ASIC2: variants seen among roughly 807,000 people sequenced by gnomAD.
ASIC2 encodes acid-sensing ion channel 2.
A neutral mutation model predicts 57.3 loss-of-function variants in ASIC2; 25 were observed. The ratio of observed to expected loss-of-function variants is 0.44; its 90% CI spans 0.32 to 0.61. ASIC2 has a LOEUF of 0.61. Ranked by LOEUF, ASIC2 falls within the 20% of genes least tolerant of loss-of-function variation. The pLI, the probability that ASIC2 is intolerant of heterozygous loss-of-function variation, is 0.06. For missense variants in ASIC2, 641 were observed against 738.1 expected, an observed-to-expected ratio of 0.87 and a Z score of 1.52; for synonymous variants, 319 against 307.5, an observed-to-expected ratio of 1.04 and a Z score of -0.39.
At chr17:33,444,110 T>G (rs779345672) in intron 1 of ASIC2, among the ~76,000 whole-genome samples, 4 of 152,228 alleles carry the variant, frequency 2.6e-5, no homozygotes, top group Non-Finnish European at 4.4e-5. Context: ...AATTTGTTGT[T>G]TGCCTTTGGC....
intron 1 of ASIC2, among the ~76,000 whole-genome samples, chr17:33,907,872 C>G (rs1209614060): frequency 6.6e-6 from 1 of 152,164 alleles, no homozygotes; most frequent in Non-Finnish European, 1.5e-5. Flanking sequence ...ATTCAACAAG[C>G]ATTTATGAAT....
chr17:33,595,700 A>G lies in ASIC2; in HGVS notation c.556-483633T>C, dbSNP rs148576136. Among the ~76,000 whole-genome samples, 111 of 152,336 alleles carry G rather than the reference A, an allele frequency of 7.3e-4. 1 individual carries two copies. In the East Asian group the frequency reaches 0.021, roughly 28 times the overall value. On this transcript the variant is annotated intron_variant, in intron 1 of 9. Coordinates refer to the ASIC2 transcript ENST00000359872. The stretch of plus-strand genomic sequence containing the variant: ...AGCATCCCTGAGCTTCTGTTTCTTC[A>G]TCTGTAAAAATGGAATAAACACATC...
intron 1 of ASIC2, among the ~76,000 whole-genome samples, chr17:33,219,788 CTA>C (rs1199238753): frequency 2.6e-5 from 4 of 152,122 alleles, no homozygotes; most frequent in African/African-American, 9.7e-5. Context: ...CCTGGGTTGT[CTA>C]TGTTAGAGAA....
intron 1 of ASIC2, among the ~76,000 whole-genome samples, chr17:33,785,517 T>C (rs1039357551): frequency 2.0e-5 from 3 of 152,184 alleles, no homozygotes; most frequent in Non-Finnish European, 4.4e-5. Flanking sequence ...GGATTCAAAT[T>C]CAGGTCTACC....
intron 1 of ASIC2, among the ~76,000 whole-genome samples, chr17:33,849,182 A>T (rs1447868873): frequency 1.3e-5 from 2 of 152,186 alleles, no homozygotes; most frequent in Non-Finnish European, 2.9e-5. Flanking sequence ...ACTCTAGGTG[A>T]GATCCTGTGC....
chr17:33,887,990 G>C (rs1420773955), intron 1 of ASIC2, among the ~76,000 whole-genome samples: 1 of 152,124 alleles, frequency 6.6e-6, no homozygotes, highest in Non-Finnish European at 1.5e-5. Flanking sequence ...TTTGCATGTT[G>C]CTTTGTCACC....
rs1356935415 is a variant in ASIC2 at position 33,110,976 on chromosome 17, C to A, written c.859+941G>T. On this transcript the variant is annotated intron_variant, in intron 2 of 9. Coordinates refer to ENST00000225823, the MANE Select transcript of ASIC2 (RefSeq NM_183377.2). ...CGCAGCATTAATCTTACTTTGGGTC[C>A]CCCTTAAATCCATGGTTCCCAGTCT... is the stretch of plus-strand genomic sequence containing the variant. 5.3e-5 allele frequency among the ~76,000 whole-genome samples: 8 copies of A among 152,160 alleles called. No homozygotes were observed. The East Asian group carries it at 1.5e-3, about 29-fold the overall frequency.
intron 1 of ASIC2, among the ~76,000 whole-genome samples, chr17:33,232,480 G>GTATGA (rs1908140066): frequency 6.6e-6 from 1 of 150,564 alleles, no homozygotes; most frequent in African/African-American, 2.5e-5. Context: ...GTATGGTATG[G>GTATGA]TATGGTATGG....
intron 1 of ASIC2, among the ~76,000 whole-genome samples, chr17:33,142,243 G>A (rs1197747730): frequency 6.6e-6 from 1 of 152,216 alleles, no homozygotes; most frequent in Admixed American, 6.5e-5. Context: ...TCAAAAGTGA[G>A]CTTTGAGAGG....
chr17:33,138,858 C>A (rs1208577983), intron 1 of ASIC2, among the ~76,000 whole-genome samples: 1 of 152,188 alleles, frequency 6.6e-6, no homozygotes, highest in African/African-American at 2.4e-5. Flanking sequence ...AACTGGCTGC[C>A]TTTTCTGTCT....
At chr17:33,801,667 C>T (rs1469537862) in intron 1 of ASIC2, among the ~76,000 whole-genome samples, 1 of 152,176 alleles carries the variant, frequency 6.6e-6, no homozygotes, top group Non-Finnish European at 1.5e-5. Flanking sequence ...TGTCTCAACA[C>T]GTTAATCACC....
At chr17:33,479,741 T>A (rs1263973333) in intron 1 of ASIC2, among the ~76,000 whole-genome samples, 1 of 152,216 alleles carries the variant, frequency 6.6e-6, no homozygotes, top group Non-Finnish European at 1.5e-5. Flanking sequence ...GATTAGGCTG[T>A]GACCAGGCCT....
At chr17:33,376,847 A>G (rs1330005150) in intron 1 of ASIC2, among the ~76,000 whole-genome samples, 1 of 152,104 alleles carries the variant, frequency 6.6e-6, no homozygotes, top group Non-Finnish European at 1.5e-5. Context: ...GTTGGGCACT[A>G]ACCATGGCCT....
chr17:33,768,656 G>T (rs889123517), intron 1 of ASIC2, among the ~76,000 whole-genome samples: 1 of 152,188 alleles, frequency 6.6e-6, no homozygotes. Context: ...GAAATCTGTG[G>T]TCCAGAGTGA....
chr17:33,793,571 G>A (rs951734932), intron 1 of ASIC2: 11 of 152,196 alleles, frequency 7.2e-5, no homozygotes, highest in African/African-American at 2.7e-4. Context: ...GTCTCATTAT[G>A]TAGATGAGGA....
At chr17:34,109,682 AT>A (rs1242966337) in intron 1 of ASIC2, among the ~76,000 whole-genome samples, 5 of 152,312 alleles carry the variant, frequency 3.3e-5, no homozygotes, top group African/African-American at 1.2e-4. Context: ...TCTCACTGTT[AT>A]ATAAACCTGC....
intron 1 of ASIC2, among the ~76,000 whole-genome samples, chr17:33,315,025 AGTT>A (rs1483618809): frequency 2.6e-5 from 4 of 152,206 alleles, no homozygotes; most frequent in Non-Finnish European, 4.4e-5. Flanking sequence ...GAGAAACTTC[AGTT>A]GAAATTTCAT....
intron 1 of ASIC2, among the ~76,000 whole-genome samples, chr17:33,967,060 C>G (rs1172536625): frequency 5.3e-5 from 8 of 152,142 alleles, no homozygotes; most frequent in Admixed American, 5.2e-4. Context: ...TCTCCTTTTC[C>G]TGGTTCTCTG....
Position 33,292,383 on chromosome 17 carries a change from G to A in ASIC2, c.-268C>T. 1 of 985,830 alleles carries A rather than the reference G, an allele frequency of 1.0e-6. No individual in the cohort carries two copies. The highest frequency in any genetic ancestry group is 1.2e-6 in the Non-Finnish European group (1 of 830,510). The allele number at this position is 985,830 out of a possible 1,614,324, so 61.1% of individuals were successfully genotyped here. A position where few individuals can be genotyped will look rare whatever the true frequency, so the allele number is the denominator to read the frequency against. On this transcript the variant is annotated 5_prime_UTR_variant, in exon 1 of 10. Coordinates refer to ENST00000225823, the MANE Select transcript of ASIC2 (RefSeq NM_183377.2). Reference sequence around the variant, plus strand: ...TCCCGAGCGCCTCCCAGGCTTTCCCGGCCCCTGGTCTTCCTGGAGGATGCC... The same window carrying A: ...TCCCGAGCGCCTCCCAGGCTTTCCCAGCCCCTGGTCTTCCTGGAGGATGCC...
Sources: gnomAD v4.1 joint callset for allele counts (sites outside exome capture counted in the v4.1 genomes callset) on GRCh38, gnomAD v4.1.1 for gene constraint, MANE v1.5 for transcripts, NCBI Gene and HGNC (gene_info 2026-07-23, HGNC 2026-07-21) for gene names.